The following PXT1 variants were observed in gnomAD, a reference collection of about 807,000 sequenced individuals.
PXT1 encodes the protein peroxisomal testis-specific protein 1.
PXT1 carries 11 observed loss-of-function variants against 11.0 expected under a neutral mutation model. The ratio of observed to expected loss-of-function variants is 1.00; its 90% CI spans 0.63 to 1.66. The LOEUF (loss-of-function observed/expected upper bound fraction) is 1.66. PXT1 is among the 40% of genes most tolerant of loss of function. The pLI, the probability that PXT1 is intolerant of heterozygous loss-of-function variation, is 0.00. For synonymous variants in PXT1, 43 were observed against 51.4 expected (o/e 0.84, Z 0.70); for missense variants, 141 against 155.5 (o/e 0.91, Z 0.49).
chr6:36,440,868 A>G (rs568002427), intron 1 of PXT1, among the ~76,000 whole-genome samples: 2 of 152,296 alleles, frequency 1.3e-5, no homozygotes, highest in East Asian at 3.9e-4. Context: ...GGTGTTTATT[A>G]TATCTTTCTG....
At chr6:36,431,486 G>A (rs1774691985) in intron 2 of PXT1, among the ~76,000 whole-genome samples, 1 of 152,174 alleles carries the variant, frequency 6.6e-6, no homozygotes, top group Non-Finnish European at 1.5e-5. Flanking sequence ...GAGTACATTG[G>A]CCCAGCACGG....
chr6:36,405,523 C>A (rs1333539544), intron 3 of PXT1, among the ~76,000 whole-genome samples: 1 of 152,178 alleles, frequency 6.6e-6, no homozygotes, highest in South Asian at 2.1e-4. Context: ...GGACTACAGG[C>A]ACGTGCCACC....
At position 36,422,069 on chromosome 6, in the gene PXT1, G is replaced by A. The variant is rs181511331; in HGVS notation, c.169+3845C>T. Among the ~76,000 whole-genome samples, 799 of 152,168 alleles carry A rather than the reference G, an allele frequency of 5.3e-3. 3 individuals carry two copies. The highest frequency in any genetic ancestry group is 0.018 in the African/African-American group (740 of 41,502). Reference sequence around the variant, plus strand: ...TATTTTTCTTATACAAAACAACAGAGATAATGCATATTAGACTGTATATTA... The same window carrying A: ...TATTTTTCTTATACAAAACAACAGAAATAATGCATATTAGACTGTATATTA... On this transcript the variant is annotated intron_variant, in intron 3 of 4. Coordinates refer to ENST00000454782, the MANE Select transcript of PXT1 (RefSeq NM_152990.4).
intron 3 of PXT1, among the ~76,000 whole-genome samples, chr6:36,413,771 TG>T (rs1256362332): frequency 5.3e-5 from 8 of 152,026 alleles, no homozygotes; most frequent in Non-Finnish European, 8.8e-5. Context: ...CTGATATGAG[TG>T]GACTGCTTGA....
chr6:36,394,585 G>A (rs555388251), intron 4 of PXT1, among the ~76,000 whole-genome samples: 29 of 152,182 alleles, frequency 1.9e-4, no homozygotes, highest in Admixed American at 1.6e-3. Flanking sequence ...AGACAGGGGC[G>A]TAGGGACAGG....
Position 36,427,713 on chromosome 6 carries a change from G to A in PXT1, c.-9-1622C>T, listed in dbSNP as rs114701521. Among the ~76,000 whole-genome samples, 1,260 of 151,818 alleles carry A rather than the reference G, an allele frequency of 8.3e-3. 16 individuals carry two copies. The highest frequency in any genetic ancestry group is 0.029 in the African/African-American group (1,205 of 41,294). On this transcript the variant is annotated intron_variant, in intron 2 of 4. Coordinates refer to ENST00000454782, the MANE Select transcript of PXT1 (RefSeq NM_152990.4). Reference sequence around the variant, plus strand: ...ATATTTTACATTCTTATTAATTTAAGTCAAGTCTTCAAAATCTGGTATGCA... The same window carrying A: ...ATATTTTACATTCTTATTAATTTAAATCAAGTCTTCAAAATCTGGTATGCA...
At chr6:36,402,908 G>A (rs1421753205) in intron 3 of PXT1, among the ~76,000 whole-genome samples, 1 of 151,716 alleles carries the variant, frequency 6.6e-6, no homozygotes, top group East Asian at 1.9e-4. Context: ...GTTGGACCAA[G>A]CATCAGTATT....
rs1554154117 is a variant in PXT1, at chr6:36,425,800, C to CAAACAAACAAACAAAAA, written c.169+113_169+114insTTTTTGTTTGTTTGTTT. ...GAGACTCTGTCTCAAAAAACAAAAACAAAAAATATATATATATATATATAT... is the reference window on the plus strand; with the variant it reads ...GAGACTCTGTCTCAAAAAACAAAAACAAACAAACAAACAAAAAAAAAAATATATATATATATATATAT... On this transcript the variant is annotated intron_variant, in intron 3 of 4. Coordinates refer to ENST00000454782, the MANE Select transcript of PXT1 (RefSeq NM_152990.4). 185 of 216,682 alleles carry CAAACAAACAAACAAAAA rather than the reference C, an allele frequency of 8.5e-4. 1 individual carries two copies. The highest frequency in any genetic ancestry group is 6.0e-3 in the African/African-American group (180 of 29,772). 13.4% of individuals were successfully genotyped at this position (216,682 alleles called of 1,614,324 possible). A position where few individuals can be genotyped will look rare whatever the true frequency, so the allele number is the denominator to read the frequency against.
chr6:36,415,159 C>G (rs2127414131), intron 3 of PXT1, among the ~76,000 whole-genome samples: 1 of 152,192 alleles, frequency 6.6e-6, no homozygotes, highest in East Asian at 1.9e-4. Flanking sequence ...AAAAGAATTG[C>G]CGGCCAGGCG....
intron 2 of PXT1, among the ~76,000 whole-genome samples, chr6:36,432,258 G>A (rs76489929): frequency 0.051 from 7,692 of 152,032 alleles, 256 homozygotes; most frequent in Middle Eastern, 0.092. Flanking sequence ...AAGAATGTCC[G>A]GGAGAGCTGA....
At chr6:36,431,006 G>A (rs1165468088) in intron 2 of PXT1, among the ~76,000 whole-genome samples, 2 of 152,038 alleles carry the variant, frequency 1.3e-5, no homozygotes, top group Non-Finnish European at 2.9e-5. Flanking sequence ...ACTAGAGATA[G>A]GGTTTCACCA....
rs181381291 is a variant in PXT1, at chr6:36,437,148, G to A, written c.-10+1619C>T. Among the ~76,000 whole-genome samples, 13 of 152,146 alleles carry A rather than the reference G, an allele frequency of 8.5e-5. No homozygotes were observed. In the East Asian group the frequency reaches 1.6e-3, roughly 18 times the overall value. ...CTAAAAATACAAAAATTAGCCGGGCGTGGTGTCACGGGCCTATAATCCCAG... is the reference window on the plus strand; with the variant it reads ...CTAAAAATACAAAAATTAGCCGGGCATGGTGTCACGGGCCTATAATCCCAG... On this transcript the variant is annotated intron_variant, in intron 2 of 4. Transcript: ENST00000454782.
intron 3 of PXT1, among the ~76,000 whole-genome samples, chr6:36,417,648 G>C (rs199803994): frequency 6.7e-6 from 1 of 148,270 alleles, no homozygotes; most frequent in East Asian, 2.0e-4. Flanking sequence ...TACGCCTGCA[G>C]TCCTAGCTAC....
intron 3 of PXT1, among the ~76,000 whole-genome samples, chr6:36,406,012 C>A (rs183551786): frequency 2.0e-5 from 3 of 152,186 alleles, no homozygotes; most frequent in East Asian, 1.9e-4. Context: ...TTTCTCAGAA[C>A]CTGTCCCCAT....
chr6:36,391,895 A>T (rs1027795956), intron 4 of PXT1, 21 bp from the exon 5 acceptor site: 6 of 1,436,616 alleles, frequency 4.2e-6, no homozygotes, highest in Non-Finnish European at 5.6e-6. Flanking sequence ...AAAGGGAGAC[A>T]CAGAGAAAGG....
chr6:36,422,032 A>C (rs1774530670), intron 3 of PXT1, among the ~76,000 whole-genome samples: 2 of 151,600 alleles, frequency 1.3e-5, no homozygotes, highest in East Asian at 3.8e-4. Context: ...ACGATTTGTT[A>C]CAGTCATTGT....
At chr6:36,424,139 T>C (rs1774567332) in intron 3 of PXT1, among the ~76,000 whole-genome samples, 1 of 152,168 alleles carries the variant, frequency 6.6e-6, no homozygotes. Flanking sequence ...GGAAAGAGTT[T>C]ACAATAAAAC....
At position 36,400,370 on chromosome 6, in the gene PXT1, G is replaced by T. The variant is rs935979132; in HGVS notation, c.300+84C>A. ...TTCCATTAATTCTGATAATTCCTGG[G>T]CATCTCAGACACTTGGCAGCCGTAG... On this transcript the variant is annotated intron_variant, in intron 4 of 4. Transcript: ENST00000454782. 4 of 1,454,788 alleles carry T rather than the reference G, an allele frequency of 2.7e-6. No individual in the cohort carries two copies. The African/African-American group carries it at 4.2e-5, about 15-fold the overall frequency. The allele number at this position is 1,454,788 out of a possible 1,614,324, so 90.1% of individuals were successfully genotyped here.
At chr6:36,406,947 A>G (rs534705253) in intron 3 of PXT1, among the ~76,000 whole-genome samples, 2 of 152,328 alleles carry the variant, frequency 1.3e-5, no homozygotes, top group East Asian at 3.9e-4. Context: ...ACTGAAGTAG[A>G]TTTCTCTTCC....
Sources: gnomAD v4.1 joint callset for allele counts (sites outside exome capture counted in the v4.1 genomes callset) on GRCh38, gnomAD v4.1.1 for gene constraint, MANE v1.5 for transcripts, NCBI Gene and HGNC (gene_info 2026-07-23, HGNC 2026-07-21) for gene names.